The following DAAM2 variants were observed in gnomAD, a reference collection of about 807,000 sequenced individuals.
DAAM2 encodes dishevelled associated activator of morphogenesis 2, also known as disheveled-associated activator of morphogenesis 2.
DAAM2 carries 39 observed loss-of-function variants against 120.7 expected under a neutral mutation model. The ratio of observed to expected loss-of-function variants is 0.32; its 90% confidence interval spans 0.25 to 0.42. The LOEUF (loss-of-function observed/expected upper bound fraction) is 0.42, where lower values mean the gene tolerates loss of function less well. DAAM2 is among the 10% of genes least tolerant of loss of function. DAAM2 has a pLI of 1.00. For missense variants in DAAM2, 1,283 were observed against 1,401.7 expected, an observed-to-expected ratio of 0.92 and a Z score of 1.35; for synonymous variants, 488 against 524.9, an observed-to-expected ratio of 0.93 and a Z score of 0.96.
intron 1 of DAAM2, among the ~76,000 whole-genome samples, chr6:39,801,679 C>T (rs6458122): frequency 0.38 from 58,245 of 152,140 alleles, 12,332 homozygotes; most frequent in Non-Finnish European, 0.48. Context: ...TTGAACATTC[C>T]GCCTTTCAGG....
intron 14 of DAAM2, among the ~76,000 whole-genome samples, chr6:39,883,020 C>T (rs928669635): frequency 2.6e-5 from 4 of 152,082 alleles, no homozygotes; most frequent in Non-Finnish European, 2.9e-5. Flanking sequence ...ACAAGGTTCC[C>T]CAGCTGCGCT....
At position 39,901,339 on chromosome 6, in the gene DAAM2, G is replaced by A. The variant is rs761542705; in HGVS notation, c.2849G>A (p.Ser950Asn). 43 of 1,613,864 alleles carry A rather than the reference G, an allele frequency of 2.7e-5. No individual in the cohort carries two copies. Among genetic ancestry groups the A allele is most frequent in the Non-Finnish European group, 3.5e-5 (41 of 1,179,884 alleles). ...TTGATGCACTTCGGGGAGCATGACA[G>A]CAAGATGCAGCCAGACGAATTCTTT... is the stretch of plus-strand genomic sequence containing the variant. The part of the protein sequence containing the change: ...KALMHFGEHD[S>N]KMQPDEFFGI... Residue 950 changes from serine to asparagine, a missense_variant, in exon 24 of 25, where the codon AGC becomes AAC. Coordinates refer to ENST00000274867, the MANE Select transcript of DAAM2 (RefSeq NM_001201427.2). The surrounding 1 kb of genome is among the most constrained non-coding windows in gnomAD (Gnocchi z 4.5).
chr6:39,823,851 AG>A (rs1762573729), intron 1 of DAAM2, among the ~76,000 whole-genome samples: 1 of 152,126 alleles, frequency 6.6e-6, no homozygotes, highest in Admixed American at 6.5e-5. Flanking sequence ...CAGGAGACTG[AG>A]GACCCCTGCC....
chr6:39,797,858 G>A (rs1431000686), intron 1 of DAAM2, among the ~76,000 whole-genome samples: 1 of 152,156 alleles, frequency 6.6e-6, no homozygotes, highest in Non-Finnish European at 1.5e-5. Context: ...ATAAACATTG[G>A]GTAGATGAAC....
chr6:39,869,514 G>C (rs1335902735), intron 7 of DAAM2, among the ~76,000 whole-genome samples: 1 of 152,172 alleles, frequency 6.6e-6, no homozygotes, highest in Non-Finnish European at 1.5e-5. Flanking sequence ...TTGAACCTGG[G>C]AGGCGGAGGT....
At chr6:39,839,442 A>G (rs1365448102) in intron 1 of DAAM2, among the ~76,000 whole-genome samples, 1 of 152,218 alleles carries the variant, frequency 6.6e-6, no homozygotes, top group Non-Finnish European at 1.5e-5. Context: ...GAAAGTGGAA[A>G]AAACAGGAAT....
chr6:39,793,860 C>A (rs962700260), intron 1 of DAAM2, among the ~76,000 whole-genome samples: 4 of 152,166 alleles, frequency 2.6e-5, no homozygotes, highest in Admixed American at 6.5e-5. Flanking sequence ...TTTGAGCTAG[C>A]CAGGTCTCTG....
At chr6:39,897,411 C>A in intron 21 of DAAM2, 129 bp downstream of exon 21, 2 of 632,556 alleles carry the variant, frequency 3.2e-6, no homozygotes, top group African/African-American at 1.8e-5. Context: ...CTTCTGAGTT[C>A]AAAAGAATTT....
At position 39,873,502 on chromosome 6, in the gene DAAM2, G is replaced by A. The variant is rs115320119; in HGVS notation, c.1162+147G>A. 271 of 628,830 alleles carry A rather than the reference G, an allele frequency of 4.3e-4. 2 individuals are homozygous for A. The highest frequency in any genetic ancestry group is 3.8e-3 in the African/African-American group (210 of 55,040). 39.0% of individuals were successfully genotyped at this position (628,830 alleles called of 1,614,324 possible). On this transcript the variant is annotated intron_variant, in intron 10 of 24. Coordinates refer to ENST00000274867, the MANE Select transcript of DAAM2 (RefSeq NM_001201427.2). ...CTTTTGGGAGGGCAGGCCCCATGAC[G>A]GAGGCCCCTGCTTTTCCTTCCCTCC...
chr6:39,861,202 G>T, intron 3 of DAAM2, 185 bp downstream of exon 3: 1 of 680,530 alleles, frequency 1.5e-6, no homozygotes, highest in Non-Finnish European at 2.7e-6. Context: ...TACACTCAAA[G>T]AAATAGGATT....
At position 39,897,267 on chromosome 6, in the gene DAAM2, A is replaced by C; in HGVS notation, c.2603A>C (p.Glu868Ala). Reference protein sequence around the residue: ...NMPSELQHLPEAAKVNLAELE... With the variant: ...NMPSELQHLPAAAKVNLAELE... ...CCTTCAGAGCTGCAACATCTTCCAG[A>C]AGCTGCCAAAGTCAAGTGAGGGTTC... The change falls in exon 21 of 25, where the codon GAA becomes GCA. Residue 868 changes from glutamate to alanine, a missense_variant. By Grantham distance (107) the Glu-to-Ala change is moderately radical. Transcript: ENST00000274867. The C allele has an allele frequency of 1.2e-6, 2 of 1,607,638 alleles. No homozygotes were observed.
At chr6:39,848,927 C>T (rs1402615561) in intron 1 of DAAM2, 1 of 152,104 alleles carries the variant, frequency 6.6e-6, no homozygotes, top group Non-Finnish European at 1.5e-5. Context: ...TGAGATAAAC[C>T]TCGAACATGG....
intron 1 of DAAM2, among the ~76,000 whole-genome samples, chr6:39,814,366 G>A (rs1029240769): frequency 6.6e-6 from 1 of 152,072 alleles, no homozygotes; most frequent in Non-Finnish European, 1.5e-5. Context: ...TATGTGAGTT[G>A]GGAGCAGTAA....
intron 1 of DAAM2, among the ~76,000 whole-genome samples, chr6:39,855,821 C>T (rs1763976815): frequency 6.6e-6 from 1 of 152,178 alleles, no homozygotes; most frequent in Non-Finnish European, 1.5e-5. Flanking sequence ...AATCAGTTAT[C>T]CCCAGACCCG....
intron 19 of DAAM2, among the ~76,000 whole-genome samples, chr6:39,894,556 T>C (rs1765953656): frequency 7.5e-6 from 1 of 133,066 alleles, no homozygotes; most frequent in Non-Finnish European, 1.6e-5. Flanking sequence ...CCCTCCTCTC[T>C]AAAGGTCAAA....
At chr6:39,869,169 T>C (rs1472516043) in intron 7 of DAAM2, among the ~76,000 whole-genome samples, 1 of 151,994 alleles carries the variant, frequency 6.6e-6, no homozygotes. Context: ...TGGGCCCTTG[T>C]TTATGGAGAG....
intron 1 of DAAM2, among the ~76,000 whole-genome samples, chr6:39,793,348 G>T (rs1390140737): frequency 6.6e-6 from 1 of 150,958 alleles, no homozygotes; most frequent in Non-Finnish European, 1.5e-5. Flanking sequence ...AGACGTGTCT[G>T]AGCTGTGGGG....
At chr6:39,899,158 T>C (rs987295821) in intron 22 of DAAM2, 2 of 560,986 alleles carry the variant, frequency 3.6e-6, no homozygotes, top group Non-Finnish European at 6.3e-6. Flanking sequence ...ACTTGGTATC[T>C]ATTTGGCAGT....
chr6:39,879,288 T>TTC lies in DAAM2; in HGVS notation c.1656_1657insTC (p.Pro553SerfsTer54). 4 of 1,451,746 alleles carry TTC rather than the reference T, an allele frequency of 2.8e-6. No homozygotes were observed. Among genetic ancestry groups the TTC allele is most frequent in the South Asian group, 1.2e-5 (1 of 80,638 alleles). 89.9% of individuals were successfully genotyped at this position (1,451,746 alleles called of 1,614,324 possible). A position where few individuals can be genotyped will look rare whatever the true frequency, so the allele number is the denominator to read the frequency against. ...CTCCTCCTCTGCCCTTTGCCTGTTG[T>TTC]CCCCCTCCCCCACCACCACCCCTTC... On this transcript the variant is annotated frameshift_variant, in exon 14 of 25. Transcript: ENST00000274867. LOFTEE classifies it high-confidence loss of function.
Sources: allele counts gnomAD v4.1 joint callset (sites outside exome capture counted in the v4.1 genomes callset), GRCh38; gene constraint gnomAD v4.1.1; non-coding constraint Gnocchi (gnomAD v3.1); transcripts MANE v1.5; gene names NCBI Gene and HGNC (gene_info 2026-07-23, HGNC 2026-07-21).